The following LAMC1 variants were observed in gnomAD, a reference collection of about 807,000 sequenced individuals.
LAMC1 encodes laminin subunit gamma-1.
LAMC1 carries 38 observed loss-of-function variants against 173.6 expected under a neutral mutation model. The observed-to-expected ratio is 0.22, with a 90% CI of 0.17 to 0.29. The LOEUF (loss-of-function observed/expected upper bound fraction) is 0.29, where lower values mean the gene tolerates loss of function less well. LAMC1 is among the 10% of genes least tolerant of loss of function. The pLI, the probability that LAMC1 is intolerant of heterozygous loss-of-function variation, is 1.00. For missense variants in LAMC1, 1,824 were observed against 2,051.8 expected, an observed-to-expected ratio of 0.89 and a Z score of 2.14; for synonymous variants, 746 against 749.1, an observed-to-expected ratio of 1.00 and a Z score of 0.07.
chr1:183,045,125 T>G (rs796862820), intron 1 of LAMC1, among the ~76,000 whole-genome samples: 1 of 142,468 alleles, frequency 7.0e-6, no homozygotes. Context: ...TCAGTAGGTT[T>G]TTTTTTTTTG....
intron 19 of LAMC1, 111 bp downstream of exon 19, chr1:183,130,660 T>A: frequency 1.3e-6 from 1 of 785,376 alleles, no homozygotes; most frequent in Non-Finnish European, 2.1e-6. Flanking sequence ...CCATGCATCT[T>A]TTTATTTGTC....
chr1:183,142,961 A>T lies in LAMC1; in HGVS notation c.*171A>T. 1 of 652,452 alleles carries T rather than the reference A, an allele frequency of 1.5e-6. No individual in the cohort carries two copies. Among genetic ancestry groups the T allele is most frequent in the Non-Finnish European group, 2.5e-6 (1 of 392,742 alleles). The allele number at this position is 652,452 out of a possible 1,614,324, so 40.4% of individuals were successfully genotyped here. Reference sequence around the variant, plus strand: ...GAGTTTAAAGAGAAGCAAATTAAACATCCTGAATCGGGAACAAAGGGTTTT... The same window carrying T: ...GAGTTTAAAGAGAAGCAAATTAAACTTCCTGAATCGGGAACAAAGGGTTTT... On this transcript the variant is annotated 3_prime_UTR_variant, in exon 28 of 28. Coordinates refer to ENST00000258341, the MANE Select transcript of LAMC1 (RefSeq NM_002293.4).
chr1:183,126,238 G>C lies in LAMC1; in HGVS notation c.2920G>C (p.Gly974Arg), dbSNP rs372848905. The change falls in exon 16 of 28, where the codon GGG (glycine) becomes CGG (arginine). Residue 974 changes from glycine to arginine, a missense_variant. Transcript: ENST00000258341. ...TGAGCGCTGTGAGGTCAACCACTTT[G>C]GGTTTGGACCTGAAGGCTGCAAACG... ...HCERCEVNHF[G>R]FGPEGCKPCD... 2 of 1,613,872 alleles carry C rather than the reference G, an allele frequency of 1.2e-6. No homozygotes were observed. The highest frequency in any genetic ancestry group is 2.7e-5 in the African/African-American group (2 of 74,898).
rs915192738 is a variant in LAMC1, at chr1:183,127,231, G to T, written c.2950G>T (p.Asp984Tyr). Residue 984 changes from aspartate to tyrosine, a missense_variant, in exon 17 of 28, where the codon GAC becomes TAC. Coordinates refer to ENST00000258341, the MANE Select transcript of LAMC1 (RefSeq NM_002293.4). ...GFGPEGCKPCDCHPEGSLSLQ... is the reference protein window; with the variant it reads ...GFGPEGCKPCYCHPEGSLSLQ... ...ATTTTCTCCTTATTCTGCAGCCTGT[G>T]ACTGTCATCCTGAGGGATCTCTTTC... 4 of 1,613,614 alleles carry T rather than the reference G, an allele frequency of 2.5e-6. No individual in the cohort carries two copies. Among genetic ancestry groups the T allele is most frequent in the South Asian group, 1.1e-5 (1 of 90,960 alleles).
At chr1:183,024,714 T>C (rs535310576) in intron 1 of LAMC1, among the ~76,000 whole-genome samples, 6 of 152,334 alleles carry the variant, frequency 3.9e-5, no homozygotes, top group African/African-American at 1.4e-4. Flanking sequence ...CAGCCTTAAT[T>C]AAGAACCACA....
Position 183,133,584 on chromosome 1 carries a change from C to T in LAMC1, c.3849+34C>T, listed in dbSNP as rs73036945. ...GCAGCCTGTACGCACAGCCCCACCC[C>T]GTCTCTCCCCCAAGTCTATGTGAGA... On this transcript the variant is annotated intron_variant, in intron 22 of 27. Transcript: ENST00000258341. The T allele has an allele frequency of 0.13, 199,653 of 1,567,452 alleles. 14,076 individuals carry two copies. Among genetic ancestry groups the T allele is most frequent in the Admixed American group, 0.25 (13,798 of 55,000 alleles).
chr1:183,064,800 G>A (rs961310523), intron 1 of LAMC1, among the ~76,000 whole-genome samples: 2 of 152,142 alleles, frequency 1.3e-5, no homozygotes, highest in Admixed American at 1.3e-4. Context: ...ATTTGTAGTT[G>A]ACAATAATTT....
chr1:183,142,794 C>T lies in LAMC1; in HGVS notation c.*4C>T, dbSNP rs201626655. On this transcript the variant is annotated 3_prime_UTR_variant, in exon 28 of 28. Coordinates refer to ENST00000258341, the MANE Select transcript of LAMC1 (RefSeq NM_002293.4). ...CCCGTCCATTGAAAAGCCCTAGTGTCTTTAGGGCTGGAAGGCAGCATCCCT... is the reference window on the plus strand; with the variant it reads ...CCCGTCCATTGAAAAGCCCTAGTGTTTTTAGGGCTGGAAGGCAGCATCCCT... The T allele has an allele frequency of 4.4e-6, 7 of 1,602,168 alleles. No homozygotes were observed. The highest frequency in any genetic ancestry group is 4.5e-5 in the East Asian group (2 of 44,786).
At chr1:183,063,599 C>T (rs925089352) in intron 1 of LAMC1, among the ~76,000 whole-genome samples, 2 of 152,134 alleles carry the variant, frequency 1.3e-5, no homozygotes, top group Admixed American at 6.5e-5. Flanking sequence ...TGCTATTCTC[C>T]TGCTCTCTCC....
intron 2 of LAMC1, among the ~76,000 whole-genome samples, chr1:183,107,829 C>CA (rs1044023583): frequency 1.7e-4 from 26 of 148,908 alleles, no homozygotes; most frequent in South Asian, 4.3e-4. Context: ...GACTCCATCT[C>CA]AAAAAAAAAG....
intron 5 of LAMC1, 102 bp downstream of exon 5, chr1:183,114,821 A>G: frequency 1.8e-6 from 2 of 1,094,194 alleles, no homozygotes; most frequent in South Asian, 1.5e-5. Flanking sequence ...AAATGTGGAG[A>G]TGTATACATT....
chr1:183,040,960 C>G (rs540421383), intron 1 of LAMC1, among the ~76,000 whole-genome samples: 3 of 152,126 alleles, frequency 2.0e-5, no homozygotes, highest in Non-Finnish European at 2.9e-5. Flanking sequence ...TATAGAAGAT[C>G]AAAATAAATG....
At chr1:183,078,245 C>T (rs1655170776) in intron 1 of LAMC1, among the ~76,000 whole-genome samples, 1 of 152,102 alleles carries the variant, frequency 6.6e-6, no homozygotes, top group African/African-American at 2.4e-5. Context: ...AGATAGGATC[C>T]TCATATCCCA....
intron 2 of LAMC1, among the ~76,000 whole-genome samples, chr1:183,105,930 G>T (rs1473685244): frequency 6.6e-6 from 1 of 152,150 alleles, no homozygotes; most frequent in Non-Finnish European, 1.5e-5. Flanking sequence ...TTGATTTATG[G>T]TAATAATTTA....
At chr1:183,060,566 C>T (rs1654719259) in intron 1 of LAMC1, among the ~76,000 whole-genome samples, 1 of 152,082 alleles carries the variant, frequency 6.6e-6, no homozygotes, top group African/African-American at 2.4e-5. Context: ...TTCCATAGTA[C>T]CCTGTACACA....
chr1:183,074,662 T>TA (rs1485661385), intron 1 of LAMC1, among the ~76,000 whole-genome samples: 2 of 152,200 alleles, frequency 1.3e-5, no homozygotes, highest in Non-Finnish European at 2.9e-5. Context: ...CCTTTTCTCT[T>TA]TATTCTATTA....
Position 183,124,798 on chromosome 1 carries a change from G to T in LAMC1, c.2569G>T (p.Ala857Ser), listed in dbSNP as rs775648003. The T allele has an allele frequency of 1.2e-6, 2 of 1,614,134 alleles. No individual in the cohort carries two copies. The highest frequency in any genetic ancestry group is 1.7e-6 in the Non-Finnish European group (2 of 1,180,026). Residue 857 changes from alanine to serine, a missense_variant, in exon 14 of 28, where the codon GCT becomes TCT. Ala to Ser is a moderately conservative substitution (Grantham distance 99). Coordinates refer to ENST00000258341, the MANE Select transcript of LAMC1 (RefSeq NM_002293.4). Reference protein sequence around the residue: ...GECLKCIYNTAGFYCDRCKDG... With the variant: ...GECLKCIYNTSGFYCDRCKDG... ...ATGCCTGAAGTGCATCTATAACACT[G>T]CTGGCTTCTATTGTGACCGGTGCAA...
intron 1 of LAMC1, among the ~76,000 whole-genome samples, chr1:183,081,107 T>C (rs1271027463): frequency 6.6e-6 from 1 of 151,850 alleles, no homozygotes; most frequent in Non-Finnish European, 1.5e-5. Flanking sequence ...CAGGCTGGTC[T>C]TGAACCCCTG....
Position 183,135,176 on chromosome 1 carries a change from CA to C in LAMC1, c.4114+21del, listed in dbSNP as rs539740496. On this transcript the variant is annotated intron_variant, in intron 24 of 27. Transcript: ENST00000258341. ...TGAAAGGTAGAAAAGGCTGAGATAA[CA>C]GGGGCAAATGCTTCCGCCACTAGAG... The C allele has an allele frequency of 6.8e-4, 1,006 of 1,489,046 alleles. 6 individuals carry two copies. The African/African-American group carries it at 0.012, about 18-fold the overall frequency. 92.2% of individuals were successfully genotyped at this position (1,489,046 alleles called of 1,614,324 possible). A position where few individuals can be genotyped will look rare whatever the true frequency, so the allele number is the denominator to read the frequency against.
Sources: gnomAD v4.1 joint callset for allele counts (sites outside exome capture counted in the v4.1 genomes callset) on GRCh38, gnomAD v4.1.1 for gene constraint, MANE v1.5 for transcripts, NCBI Gene and HGNC (gene_info 2026-07-23, HGNC 2026-07-21) for gene names.